Variants in ANKS1B observed in about 807,000 individuals in gnomAD.
ANKS1B encodes the protein ankyrin repeat and sterile alpha motif domain containing 1B.
In ANKS1B, 36 loss-of-function variants were observed where a neutral mutation model predicts 148.3. That is an observed-to-expected ratio of 0.24 (90% CI 0.19 to 0.32). The LOEUF is 0.32. Among genes scored for constraint, ANKS1B ranks in the 10% least tolerant of loss-of-function variants. The probability of loss-of-function intolerance (pLI) is 1.00; values close to 1 mark genes in which losing one functional copy is unlikely to be tolerated. For synonymous variants in ANKS1B, 542 were observed against 560.8 expected, an observed-to-expected ratio of 0.97 and a Z score of 0.47; for missense variants, 1,157 against 1,542.6, an observed-to-expected ratio of 0.75 and a Z score of 4.19.
chr12:99,259,915 A>G (rs1375300128), intron 12 of ANKS1B, among the ~76,000 whole-genome samples: 1 of 152,204 alleles, frequency 6.6e-6, no homozygotes, highest in African/African-American at 2.4e-5. Flanking sequence ...AGTATTTCCC[A>G]TAGCCTAGAG....
At chr12:99,805,884 TC>T (rs1177103053) in intron 4 of ANKS1B, among the ~76,000 whole-genome samples, 1 of 152,136 alleles carries the variant, frequency 6.6e-6, no homozygotes, top group Non-Finnish European at 1.5e-5. Context: ...TAAATTCACA[TC>T]CCGGTTTTAT....
chr12:99,719,100 AAAC>A (rs1400896156), intron 8 of ANKS1B, among the ~76,000 whole-genome samples: 5 of 152,306 alleles, frequency 3.3e-5, no homozygotes, highest in African/African-American at 1.2e-4. Context: ...CTTTCTGTCC[AAAC>A]AACTTGACCT....
chr12:99,716,677 A>G (rs1235240899), intron 8 of ANKS1B, among the ~76,000 whole-genome samples: 6 of 151,998 alleles, frequency 3.9e-5, no homozygotes, highest in Admixed American at 3.3e-4. Context: ...GGTGCCTGAC[A>G]TCCAGGCATT....
At chr12:99,488,077 T>C (rs1016367575) in intron 10 of ANKS1B, among the ~76,000 whole-genome samples, 1 of 152,220 alleles carries the variant, frequency 6.6e-6, no homozygotes, top group African/African-American at 2.4e-5. Context: ...TCTTTTAATA[T>C]TATAAAGTAT....
intron 25 of ANKS1B, among the ~76,000 whole-genome samples, chr12:98,764,104 T>C (rs1331552052): frequency 6.6e-6 from 1 of 152,164 alleles, no homozygotes; most frequent in African/African-American, 2.4e-5. Flanking sequence ...CATGCAATCT[T>C]TATCCTGTAA....
intron 8 of ANKS1B, among the ~76,000 whole-genome samples, chr12:99,657,732 C>G (rs974084564): frequency 6.6e-6 from 1 of 151,056 alleles, no homozygotes; most frequent in Non-Finnish European, 1.5e-5. Context: ...GATCAGCTAA[C>G]AGTTTGACCA....
chr12:99,111,634 G>C (rs905847631), intron 15 of ANKS1B, among the ~76,000 whole-genome samples: 7 of 151,992 alleles, frequency 4.6e-5, no homozygotes, highest in Non-Finnish European at 1.0e-4. Flanking sequence ...ACACGGCTCT[G>C]TATTCCTTAT....
intron 17 of ANKS1B, among the ~76,000 whole-genome samples, chr12:98,923,526 T>G (rs143064252): frequency 6.6e-6 from 1 of 152,316 alleles, no homozygotes; most frequent in East Asian, 1.9e-4. Context: ...AGGTTTAGTT[T>G]CTGGTGACTT....
chr12:99,618,293 A>G (rs867462845), intron 9 of ANKS1B, among the ~76,000 whole-genome samples: 5 of 152,230 alleles, frequency 3.3e-5, no homozygotes, highest in South Asian at 2.1e-4. Flanking sequence ...ATTATAGATG[A>G]CATAACCAAA....
chr12:99,184,656 A>G (rs12314891), intron 14 of ANKS1B, among the ~76,000 whole-genome samples: 37,983 of 152,140 alleles, frequency 0.25, 4,925 homozygotes, highest in Middle Eastern at 0.28. Flanking sequence ...AGTTCAAACT[A>G]TATTTATCTA....
intron 12 of ANKS1B, among the ~76,000 whole-genome samples, chr12:99,262,709 ATGTT>A (rs1212693717): frequency 6.6e-6 from 1 of 151,928 alleles, no homozygotes; most frequent in Non-Finnish European, 1.5e-5. Context: ...AAATTGAGAC[ATGTT>A]TATTTTATTT....
chr12:98,794,835 GA>G, intron 22 of ANKS1B: 2 of 1,600,198 alleles, frequency 1.2e-6, no homozygotes, highest in Non-Finnish European at 1.7e-6. Context: ...AAGAGCTACA[GA>G]AAGTTCAGGA....
chr12:99,004,343 A>T (rs559288030), intron 17 of ANKS1B, among the ~76,000 whole-genome samples: 1 of 152,310 alleles, frequency 6.6e-6, no homozygotes, highest in East Asian at 1.9e-4. Flanking sequence ...CCCATTTAAA[A>T]ACAGGGATTA....
intron 8 of ANKS1B, among the ~76,000 whole-genome samples, chr12:99,676,002 T>G (rs1188776935): frequency 6.6e-6 from 1 of 152,162 alleles, no homozygotes; most frequent in Non-Finnish European, 1.5e-5. Context: ...AATCCCCACA[T>G]GTCTTTGGAG....
At chr12:98,884,829 ACTAT>A (rs1026945184) in intron 17 of ANKS1B, among the ~76,000 whole-genome samples, 2 of 151,492 alleles carry the variant, frequency 1.3e-5, no homozygotes, top group African/African-American at 4.9e-5. Context: ...AAAAAAAGAA[ACTAT>A]CTATTTGGGG....
chr12:99,650,225 A>G lies in ANKS1B; in HGVS notation c.1272+4842T>C, dbSNP rs190902031. 7.5e-4 allele frequency among the ~76,000 whole-genome samples: 76 copies of G among 101,350 alleles called. No individual in the cohort carries two copies. The South Asian group carries it at 0.014, about 18-fold the overall frequency. The allele number at this position is 101,350 out of a possible 152,430, so 66.5% of individuals were successfully genotyped here. On this transcript the variant is annotated intron_variant, in intron 9 of 26. Coordinates refer to ENST00000683438, the MANE Select transcript of ANKS1B (RefSeq NM_001352186.2). ...AGATTACTCTCAGATATGATCCTAC[A>G]TTAGGAGAATTATTCTAAAACTGTT...
chr12:99,831,771 A>G (rs827797), intron 1 of ANKS1B, among the ~76,000 whole-genome samples: 10,142 of 152,088 alleles, frequency 0.067, 490 homozygotes, highest in Non-Finnish European at 0.11. Context: ...GTCTACCAAC[A>G]GAGTAGCCAG....
At chr12:98,847,607 T>G (rs1015785027) in intron 17 of ANKS1B, among the ~76,000 whole-genome samples, 2 of 138,578 alleles carry the variant, frequency 1.4e-5, no homozygotes, top group Non-Finnish European at 3.2e-5. Context: ...ATTTTTTTTC[T>G]TCTTTTGAGA....
chr12:99,631,806 A>G (rs1053848621), intron 9 of ANKS1B, among the ~76,000 whole-genome samples: 1 of 152,216 alleles, frequency 6.6e-6, no homozygotes, highest in Non-Finnish European at 1.5e-5. Flanking sequence ...AAGAATTTAT[A>G]ATCAAGAGAG....
Sources: gnomAD v4.1 joint callset for allele counts (sites outside exome capture counted in the v4.1 genomes callset) on GRCh38, gnomAD v4.1.1 for gene constraint, MANE v1.5 for transcripts, NCBI Gene and HGNC (gene_info 2026-07-23, HGNC 2026-07-21) for gene names.